Variants in DLC1 observed in about 807,000 individuals in gnomAD.
DLC1 encodes DLC1 Rho GTPase activating protein.
DLC1 carries 54 observed loss-of-function variants against 140.3 expected under a neutral mutation model. The observed-to-expected ratio is 0.38, with a 90% CI of 0.31 to 0.48. The LOEUF (loss-of-function observed/expected upper bound fraction) is 0.48, where lower values mean the gene tolerates loss of function less well. Ranked by LOEUF, DLC1 falls within the 20% of genes least tolerant of loss-of-function variation. DLC1 has a pLI of 0.96. For missense variants in DLC1, 2,536 were observed against 1,907.0 expected, an observed-to-expected ratio of 1.33 and a Z score of -6.14; for synonymous variants, 986 against 728.1, an observed-to-expected ratio of 1.35 and a Z score of -5.70.
rs915821289 is a variant in DLC1 at position 13,383,607 on chromosome 8, C to T, written c.1314+9946G>A. Among the ~76,000 whole-genome samples, 9 of 152,202 alleles carry T rather than the reference C, an allele frequency of 5.9e-5. 1 individual carries two copies. The highest frequency in any genetic ancestry group is 4.6e-4 in the Admixed American group (7 of 15,278). On this transcript the variant is annotated intron_variant, in intron 4 of 17. Coordinates refer to ENST00000276297, the MANE Select transcript of DLC1 (RefSeq NM_182643.3). ...GCCACCCAATAATTCTTTTTATAAACATGCCCTTGTTTAGACCTTTTCCAA... is the reference window on the plus strand; with the variant it reads ...GCCACCCAATAATTCTTTTTATAAATATGCCCTTGTTTAGACCTTTTCCAA...
intron 2 of DLC1, among the ~76,000 whole-genome samples, chr8:13,441,239 C>G (rs1211062476): frequency 6.6e-6 from 1 of 152,168 alleles, no homozygotes; most frequent in Non-Finnish European, 1.5e-5. Flanking sequence ...ATGACAAACC[C>G]ACAGCCAATA....
intron 5 of DLC1, among the ~76,000 whole-genome samples, chr8:13,117,354 T>C (rs902628123): frequency 1.3e-5 from 2 of 151,958 alleles, no homozygotes; most frequent in Non-Finnish European, 2.9e-5. Context: ...GGTGTGCTCC[T>C]GTAGTCCCAG....
At chr8:13,348,811 G>T (rs969912951) in intron 4 of DLC1, among the ~76,000 whole-genome samples, 1 of 152,188 alleles carries the variant, frequency 6.6e-6, no homozygotes, top group Non-Finnish European at 1.5e-5. Context: ...TCTCTGGAAA[G>T]TAGGTGGACT....
intron 2 of DLC1, among the ~76,000 whole-genome samples, chr8:13,435,093 A>G (rs1047398917): frequency 2.0e-5 from 3 of 152,218 alleles, no homozygotes; most frequent in Non-Finnish European, 2.9e-5. Flanking sequence ...AGAATTCACT[A>G]TTCTAGATAC....
intron 6 of DLC1, among the ~76,000 whole-genome samples, chr8:13,114,930 A>G (rs1400617607): frequency 2.6e-5 from 4 of 152,244 alleles, no homozygotes; most frequent in African/African-American, 9.6e-5. Context: ...GCATTTTAAA[A>G]TTGAACATAC....
intron 5 of DLC1, among the ~76,000 whole-genome samples, chr8:13,144,620 C>A (rs9643936): frequency 6.6e-6 from 1 of 151,756 alleles, no homozygotes; most frequent in Non-Finnish European, 1.5e-5. Context: ...AAAAAATTAG[C>A]CAGGCGTGGT....
intron 5 of DLC1, among the ~76,000 whole-genome samples, chr8:13,259,734 A>G (rs946004642): frequency 6.6e-6 from 1 of 152,202 alleles, no homozygotes; most frequent in Non-Finnish European, 1.5e-5. Flanking sequence ...GCAGCCTGAA[A>G]AAAAACAACA....
intron 2 of DLC1, among the ~76,000 whole-genome samples, chr8:13,419,396 C>T (rs1838210822): frequency 1.3e-5 from 2 of 152,068 alleles, no homozygotes; most frequent in Non-Finnish European, 2.9e-5. Context: ...CCCATCAGTA[C>T]CTAATTTATT....
chr8:13,334,224 G>T (rs73218506), intron 4 of DLC1, among the ~76,000 whole-genome samples: 8,456 of 152,070 alleles, frequency 0.056, 289 homozygotes, highest in South Asian at 0.14. Flanking sequence ...AGAGAAGCAG[G>T]GGGGAGTTGC....
At chr8:13,258,743 C>A (rs1266726587) in intron 5 of DLC1, among the ~76,000 whole-genome samples, 2 of 152,132 alleles carry the variant, frequency 1.3e-5, no homozygotes, top group Non-Finnish European at 2.9e-5. Flanking sequence ...CTTTCTATTT[C>A]ATTTCCTGTT....
At chr8:13,267,561 A>G (rs1189107865) in intron 5 of DLC1, among the ~76,000 whole-genome samples, 1 of 152,234 alleles carries the variant, frequency 6.6e-6, no homozygotes, top group East Asian at 1.9e-4. Context: ...GTCACCAAAA[A>G]TCAACCAGAT....
At chr8:13,562,231 T>G (rs1406135688) in intron 1 of DLC1, among the ~76,000 whole-genome samples, 1 of 152,122 alleles carries the variant, frequency 6.6e-6, no homozygotes, top group African/African-American at 2.4e-5. Context: ...TTGATACATT[T>G]GATATATGAG....
intron 5 of DLC1, among the ~76,000 whole-genome samples, chr8:13,205,917 A>T (rs1827640257): frequency 6.6e-6 from 1 of 152,196 alleles, no homozygotes; most frequent in Non-Finnish European, 1.5e-5. Context: ...TTGACAATCT[A>T]ATCAGATTTG....
intron 4 of DLC1, chr8:13,340,615 A>C (rs766045167): frequency 6.6e-6 from 1 of 152,240 alleles, no homozygotes; most frequent in Non-Finnish European, 1.5e-5. Flanking sequence ...TAATGGATGT[A>C]AATTTCTGCT....
rs192222241 is a variant in DLC1, at chr8:13,401,070, T to A, written c.1173+400A>T. Among the ~76,000 whole-genome samples, 12 of 152,318 alleles carry A rather than the reference T, an allele frequency of 7.9e-5. No homozygotes were observed. In the East Asian group the frequency reaches 2.3e-3, roughly 29 times the overall value. On this transcript the variant is annotated intron_variant, in intron 3 of 17. Transcript: ENST00000276297. ...ATCCATCCATCCATCCATTTACTCATGCAGCAAATCTATAATAAGATTCTT... is the reference window on the plus strand; with the variant it reads ...ATCCATCCATCCATCCATTTACTCAAGCAGCAAATCTATAATAAGATTCTT...
intron 4 of DLC1, among the ~76,000 whole-genome samples, chr8:13,316,081 G>C (rs961068151): frequency 2.6e-5 from 4 of 152,224 alleles, no homozygotes; most frequent in Non-Finnish European, 5.9e-5. Context: ...ACAGCACGCA[G>C]GTTGCGCACT....
chr8:13,269,267 C>A (rs1221464400), intron 5 of DLC1, among the ~76,000 whole-genome samples: 1 of 152,132 alleles, frequency 6.6e-6, no homozygotes, highest in Admixed American at 6.5e-5. Flanking sequence ...AATTATGGGG[C>A]TGAATAACTG....
chr8:13,417,660 G>A lies in DLC1; in HGVS notation c.1024-16041C>T, dbSNP rs191534168. On this transcript the variant is annotated intron_variant, in intron 2 of 17. Coordinates refer to ENST00000276297, the MANE Select transcript of DLC1 (RefSeq NM_182643.3). ...AGTCTTTGCTATTGTGAATAGTGCC[G>A]CAATAAACATACGTCTGCATGTGTC... 1.8e-3 allele frequency among the ~76,000 whole-genome samples: 277 copies of A among 152,114 alleles called. 1 individual carries two copies. The highest frequency in any genetic ancestry group is 6.3e-3 in the African/African-American group (262 of 41,486).
intron 2 of DLC1, among the ~76,000 whole-genome samples, chr8:13,470,954 T>C (rs891476158): frequency 6.6e-6 from 1 of 152,190 alleles, no homozygotes; most frequent in African/African-American, 2.4e-5. Context: ...CAATGGAATA[T>C]TATTTAGCCA....
Sources: gnomAD v4.1 joint callset for allele counts (sites outside exome capture counted in the v4.1 genomes callset) on GRCh38, gnomAD v4.1.1 for gene constraint, MANE v1.5 for transcripts, NCBI Gene and HGNC (gene_info 2026-07-23, HGNC 2026-07-21) for gene names.